USH2A: variants seen among roughly 807,000 people sequenced by gnomAD.
USH2A encodes Usher syndrome 2A (autosomal recessive, mild).
Under a neutral mutation model 538.9 loss-of-function variants are expected in USH2A, and 443 were observed. The observed-to-expected ratio is 0.82, with a 90% CI of 0.76 to 0.89. The LOEUF (loss-of-function observed/expected upper bound fraction) is 0.89. Ranked by LOEUF, USH2A falls within the 40% of genes least tolerant of loss-of-function variation. The pLI, the probability that USH2A is intolerant of heterozygous loss-of-function variation, is 0.00. For synonymous variants in USH2A, 2,413 were observed against 2,273.5 expected (o/e 1.06, Z -1.75); for missense variants, 6,633 against 6,324.8 (o/e 1.05, Z -1.65).
At chr1:215,822,514 G>T (rs924277330) in intron 47 of USH2A, among the ~76,000 whole-genome samples, 2 of 151,844 alleles carry the variant, frequency 1.3e-5, no homozygotes, top group African/African-American at 2.4e-5. Flanking sequence ...GTTCTAACAG[G>T]TTTTTTGGTG....
At chr1:216,237,785 G>A (rs1462109784) in intron 13 of USH2A, among the ~76,000 whole-genome samples, 3 of 152,126 alleles carry the variant, frequency 2.0e-5, no homozygotes, top group Admixed American at 2.0e-4. Flanking sequence ...AGTTTTCTAT[G>A]ACAGAGAAAT....
chr1:215,639,522 C>T (rs1293326317), intron 68 of USH2A, among the ~76,000 whole-genome samples: 1 of 152,140 alleles, frequency 6.6e-6, no homozygotes, highest in African/African-American at 2.4e-5. Context: ...ATACACAAAG[C>T]GCATCTTGTT....
intron 37 of USH2A, among the ~76,000 whole-genome samples, chr1:215,945,285 T>A (rs1285293369): frequency 6.6e-6 from 1 of 152,166 alleles, no homozygotes; most frequent in Non-Finnish European, 1.5e-5. Context: ...CCCCAGATGG[T>A]GGCTTTCCAG....
intron 7 of USH2A, among the ~76,000 whole-genome samples, 187 bp from the exon 8 acceptor site, chr1:216,323,882 G>A (rs1036853625): frequency 3.9e-5 from 6 of 151,990 alleles, no homozygotes; most frequent in African/African-American, 1.2e-4. Flanking sequence ...CACTAAAACA[G>A]TTCCTTGAAA....
At chr1:215,956,671 C>T (rs1433588542) in intron 37 of USH2A, among the ~76,000 whole-genome samples, 34 of 152,258 alleles carry the variant, frequency 2.2e-4, no homozygotes, top group Non-Finnish European at 2.2e-4. Context: ...TCCATTTCAT[C>T]ATTACATCGC....
chr1:215,917,309 C>T (rs971843686), intron 38 of USH2A, among the ~76,000 whole-genome samples: 3 of 152,062 alleles, frequency 2.0e-5, no homozygotes, highest in African/African-American at 7.2e-5. Flanking sequence ...CGATCATATT[C>T]ATCCAATTAG....
chr1:215,965,944 C>CACAT (rs2102454445), intron 36 of USH2A, among the ~76,000 whole-genome samples: 1 of 151,764 alleles, frequency 6.6e-6, no homozygotes, highest in African/African-American at 2.4e-5. Flanking sequence ...CACACACACA[C>CACAT]ACACACACAC....
intron 38 of USH2A, among the ~76,000 whole-genome samples, chr1:215,916,094 G>A (rs1475000908): frequency 1.3e-5 from 2 of 150,920 alleles, no homozygotes; most frequent in East Asian, 2.0e-4. Flanking sequence ...GCTAAATGAC[G>A]AGTTAATGGG....
chr1:215,973,869 C>T (rs181304271), intron 35 of USH2A, among the ~76,000 whole-genome samples: 3 of 151,416 alleles, frequency 2.0e-5, no homozygotes, highest in Admixed American at 2.0e-4. Context: ...TGCTCAAAAA[C>T]TTTTTAGTAT....
intron 38 of USH2A, among the ~76,000 whole-genome samples, chr1:215,902,748 G>C (rs755850934): frequency 6.6e-6 from 1 of 152,076 alleles, no homozygotes; most frequent in Non-Finnish European, 1.5e-5. Context: ...GTAGCCATCC[G>C]AATGTCTGGA....
At chr1:215,984,463 C>G (rs1168634386) in intron 35 of USH2A, among the ~76,000 whole-genome samples, 1 of 152,176 alleles carries the variant, frequency 6.6e-6, no homozygotes, top group Non-Finnish European at 1.5e-5. Flanking sequence ...AAGTTTATCA[C>G]CTTTCTGTTT....
intron 20 of USH2A, among the ~76,000 whole-genome samples, chr1:216,188,952 A>G (rs2034662420): frequency 1.3e-5 from 2 of 151,888 alleles, no homozygotes; most frequent in African/African-American, 4.8e-5. Context: ...TTCTAGTCTG[A>G]AATTGTATCA....
At chr1:216,091,296 T>C (rs769521838) in intron 22 of USH2A, among the ~76,000 whole-genome samples, 43 of 152,188 alleles carry the variant, frequency 2.8e-4, no homozygotes, top group Non-Finnish European at 2.8e-4. Flanking sequence ...GCCCAGAATA[T>C]GATGTGAATT....
intron 11 of USH2A, among the ~76,000 whole-genome samples, chr1:216,280,536 T>C (rs1254870462): frequency 6.6e-6 from 1 of 152,176 alleles, no homozygotes; most frequent in African/African-American, 2.4e-5. Context: ...TGTTAGTTAT[T>C]CCTCAATAAT....
intron 64 of USH2A, among the ~76,000 whole-genome samples, chr1:215,659,324 A>G (rs1395573624): frequency 6.6e-6 from 1 of 152,192 alleles, no homozygotes; most frequent in Admixed American, 6.5e-5. Flanking sequence ...TTAAGGCTAG[A>G]TCCTCAAGAA....
chr1:216,219,257 G>A (rs767329439), intron 14 of USH2A, among the ~76,000 whole-genome samples: 3 of 152,026 alleles, frequency 2.0e-5, no homozygotes, highest in Non-Finnish European at 4.4e-5. Flanking sequence ...CCAAGCCATT[G>A]TTATAGTCAA....
chr1:215,674,335 G>A lies in USH2A; in HGVS notation c.13576C>T (p.Arg4526Ter), dbSNP rs1003869920. Residue 4526 changes from arginine to a stop codon, truncating the protein, a stop_gained, in exon 63 of 72, where the codon CGA becomes TGA. Coordinates refer to ENST00000307340, the MANE Select transcript of USH2A (RefSeq NM_206933.4). LOFTEE classifies it high-confidence loss of function. Reference protein sequence around the residue: ...GGILSPLVKDRTSPSAPSGME... With the variant: ...GGILSPLVKD ...CCTGAGGGTGCTGAGGGGCTGGTTC[G>A]ATCTTTGACAAGAGGACTCAAAATA... 9 of 1,613,674 alleles carry A rather than the reference G, an allele frequency of 5.6e-6. No homozygotes were observed. Among genetic ancestry groups the A allele is most frequent in the South Asian group, 2.2e-5 (2 of 91,072 alleles).
chr1:215,905,655 G>C (rs1458274783), intron 38 of USH2A, among the ~76,000 whole-genome samples: 1 of 152,052 alleles, frequency 6.6e-6, no homozygotes, highest in Non-Finnish European at 1.5e-5. Flanking sequence ...GCTTGCAGAA[G>C]CACTGCCCTG....
chr1:215,913,393 C>T (rs959386468), intron 38 of USH2A, among the ~76,000 whole-genome samples: 1 of 152,018 alleles, frequency 6.6e-6, no homozygotes, highest in African/African-American at 2.4e-5. Flanking sequence ...GAAAGGCTTT[C>T]TAAGGAAGTG....
Sources: allele counts gnomAD v4.1 joint callset (sites outside exome capture counted in the v4.1 genomes callset), GRCh38; gene constraint gnomAD v4.1.1; transcripts MANE v1.5; gene names NCBI Gene and HGNC (gene_info 2026-07-23, HGNC 2026-07-21).